The following LINGO2 variants were observed in gnomAD, a reference collection of about 807,000 sequenced individuals.
LINGO2 encodes the protein leucine rich repeat and Ig domain containing 2, also known as leucine-rich repeat and immunoglobulin-like domain-containing nogo receptor-interacting protein 2.
In LINGO2, 14 loss-of-function variants were observed where a neutral mutation model predicts 30.6. The observed-to-expected ratio is 0.46, with a 90% CI of 0.30 to 0.72. LINGO2 has a LOEUF of 0.72. Among genes scored for constraint, LINGO2 ranks in the 30% least tolerant of loss-of-function variants. LINGO2 has a pLI of 0.07. For synonymous variants in LINGO2, 317 were observed against 288.5 expected (o/e 1.10, Z -1.00); for missense variants, 729 against 751.7 (o/e 0.97, Z 0.35).
At chr9:28,491,923 A>G (rs1267044006) in intron 1 of LINGO2, among the ~76,000 whole-genome samples, 1 of 152,210 alleles carries the variant, frequency 6.6e-6, no homozygotes, top group Non-Finnish European at 1.5e-5. Flanking sequence ...CTAAAGCAAA[A>G]AGGGAAACTG....
the LINGO2 span, among the ~76,000 whole-genome samples, chr9:28,902,781 A>C: frequency 6.6e-6 from 1 of 152,258 alleles, no homozygotes; most frequent in East Asian, 1.9e-4. Context: ...TCTGAACAAA[A>C]AATGAGTCAA....
At chr9:28,610,770 G>A (rs955537698) in intron 1 of LINGO2, among the ~76,000 whole-genome samples, 2 of 152,124 alleles carry the variant, frequency 1.3e-5, no homozygotes, top group African/African-American at 4.8e-5. Flanking sequence ...ATATAGAATG[G>A]TAGCAAATGG....
chr9:28,269,581 A>C (rs879615435), intron 4 of LINGO2, among the ~76,000 whole-genome samples: 1 of 152,116 alleles, frequency 6.6e-6, no homozygotes, highest in East Asian at 1.9e-4. Context: ...CTCAAGCTTT[A>C]TACTATGACC....
intron 5 of LINGO2, among the ~76,000 whole-genome samples, chr9:28,010,914 G>C (rs1273046056): frequency 2.0e-5 from 3 of 152,150 alleles, no homozygotes; most frequent in Non-Finnish European, 2.9e-5. Context: ...GCCATGCTCA[G>C]GCCACTGCAC....
At chr9:28,959,209 A>AG in the LINGO2 span, among the ~76,000 whole-genome samples, 96,916 of 151,860 alleles carry the variant, frequency 0.64, 31,883 homozygotes, top group Non-Finnish European at 0.72. Flanking sequence ...TATGAGACTG[A>AG]GGGTAGAGAT....
chr9:28,840,342 G>C, the LINGO2 span, among the ~76,000 whole-genome samples: 51 of 151,926 alleles, frequency 3.4e-4, no homozygotes, highest in African/African-American at 1.2e-3. Flanking sequence ...AGCTGCTCCA[G>C]TTGGGCCACT....
At chr9:28,197,312 G>A (rs1184432204) in intron 4 of LINGO2, among the ~76,000 whole-genome samples, 1 of 151,720 alleles carries the variant, frequency 6.6e-6, no homozygotes, top group Non-Finnish European at 1.5e-5. Flanking sequence ...AGAATATTAT[G>A]GGAAGCTAGT....
the LINGO2 span, among the ~76,000 whole-genome samples, chr9:29,061,913 G>C: frequency 6.6e-6 from 1 of 151,978 alleles, no homozygotes; most frequent in African/African-American, 2.4e-5. Context: ...GAAAATATTT[G>C]CAAGTCACAT....
chr9:28,451,529 T>C (rs1824647200), intron 2 of LINGO2, among the ~76,000 whole-genome samples: 1 of 151,860 alleles, frequency 6.6e-6, no homozygotes, highest in Admixed American at 6.6e-5. Context: ...AGGTGGTTTT[T>C]ATAAACTCTT....
chr9:28,679,946 T>C, the LINGO2 span, among the ~76,000 whole-genome samples: 16,706 of 152,032 alleles, frequency 0.11, 1,058 homozygotes, highest in African/African-American at 0.16. Flanking sequence ...ACCGTTTTTT[T>C]TTGTGGTGAA....
chr9:29,168,674 A>C, the LINGO2 span, among the ~76,000 whole-genome samples: 1 of 152,304 alleles, frequency 6.6e-6, no homozygotes, highest in Admixed American at 6.5e-5. Flanking sequence ...AGGGAAGTTA[A>C]ACTGGAAAAC....
chr9:27,965,186 C>T (rs996677996), intron 5 of LINGO2, among the ~76,000 whole-genome samples: 1 of 151,996 alleles, frequency 6.6e-6, no homozygotes, highest in Non-Finnish European at 1.5e-5. Context: ...GGGAAAGAAA[C>T]TTTTCTTGCT....
the LINGO2 span, among the ~76,000 whole-genome samples, chr9:28,808,736 G>A: frequency 2.0e-5 from 3 of 152,098 alleles, no homozygotes; most frequent in Admixed American, 6.5e-5. Flanking sequence ...AAGGAGAAAT[G>A]AGATTATAAT....
chr9:28,630,442 T>C (rs1474008544), intron 1 of LINGO2, among the ~76,000 whole-genome samples: 1 of 152,120 alleles, frequency 6.6e-6, no homozygotes, highest in Non-Finnish European at 1.5e-5. Context: ...ACAATTTCAC[T>C]TTTTGTCACT....
chr9:28,242,848 C>T (rs1198932027), intron 4 of LINGO2, among the ~76,000 whole-genome samples: 4 of 152,156 alleles, frequency 2.6e-5, no homozygotes, highest in African/African-American at 9.7e-5. Flanking sequence ...AATTTTCAAC[C>T]TGGAATTTCA....
At chr9:29,092,974 C>CA in the LINGO2 span, among the ~76,000 whole-genome samples, 1 of 118,472 alleles carries the variant, frequency 8.4e-6, no homozygotes, top group Non-Finnish European at 1.7e-5. Flanking sequence ...ATAATTTTTA[C>CA]AAAAAAATCA....
At chr9:28,639,762 G>C (rs1436440627) in intron 1 of LINGO2, among the ~76,000 whole-genome samples, 2 of 152,112 alleles carry the variant, frequency 1.3e-5, no homozygotes, top group Non-Finnish European at 2.9e-5. Context: ...GATGGGTCTT[G>C]ACTGTTTATC....
At chr9:28,659,195 G>C (rs564510518) in intron 1 of LINGO2, among the ~76,000 whole-genome samples, 1 of 151,912 alleles carries the variant, frequency 6.6e-6, no homozygotes. Context: ...AAGAAAAGAA[G>C]ACTGAAAAAT....
the LINGO2 span, among the ~76,000 whole-genome samples, chr9:28,828,750 A>G: frequency 6.6e-6 from 1 of 152,202 alleles, no homozygotes; most frequent in Admixed American, 6.5e-5. Flanking sequence ...TGGGTCTGAA[A>G]ATCATGCCAA....
Sources: gnomAD v4.1 joint callset for allele counts (sites outside exome capture counted in the v4.1 genomes callset) on GRCh38, gnomAD v4.1.1 for gene constraint, MANE v1.5 for transcripts, NCBI Gene and HGNC (gene_info 2026-07-23, HGNC 2026-07-21) for gene names.